The following SLC17A6 variants were observed in gnomAD, a reference collection of about 807,000 sequenced individuals.
SLC17A6 encodes vesicular glutamate transporter 2.
A neutral mutation model predicts 67.1 loss-of-function variants in SLC17A6; 35 were observed. The ratio of observed to expected loss-of-function variants is 0.52; its 90% CI spans 0.40 to 0.69. SLC17A6 has a LOEUF of 0.69. SLC17A6 is among the 30% of genes least tolerant of loss of function. SLC17A6 has a pLI of 0.00. For synonymous variants in SLC17A6, 285 were observed against 252.3 expected (o/e 1.13, Z -1.23); for missense variants, 588 against 723.9 (o/e 0.81, Z 2.15).
chr11:22,379,119 G>T lies in SLC17A6; in HGVS notation c.*1379G>T, dbSNP rs1474191404. On this transcript the variant is annotated 3_prime_UTR_variant, in exon 12 of 12. Coordinates refer to ENST00000263160, the MANE Select transcript of SLC17A6 (RefSeq NM_020346.3). Reference sequence around the variant, plus strand: ...TACCTTCATTTTGCTTGTAGTAGCTGTTTGGGTGGTTGGAATAATTTTATT... The same window carrying T: ...TACCTTCATTTTGCTTGTAGTAGCTTTTTGGGTGGTTGGAATAATTTTATT... 1 of 152,454 alleles carries T rather than the reference G, an allele frequency of 6.6e-6. No homozygotes were observed. The highest frequency in any genetic ancestry group is 1.5e-5 in the Non-Finnish European group (1 of 67,988). The allele number at this position is 152,454 out of a possible 1,614,324, so 9.4% of individuals were successfully genotyped here. A position where few individuals can be genotyped will look rare whatever the true frequency, so the allele number is the denominator to read the frequency against.
At chr11:22,342,925 C>G (rs989371086) in intron 2 of SLC17A6, 1 of 486,576 alleles carries the variant, frequency 2.1e-6, no homozygotes, top group African/African-American at 1.9e-5. Flanking sequence ...TAACAAATCT[C>G]TTCATGGGGA....
At chr11:22,339,071 ATATATGT>A (rs201883598) in intron 1 of SLC17A6, among the ~76,000 whole-genome samples, 4,388 of 119,486 alleles carry the variant, frequency 0.037, 266 homozygotes, top group Admixed American at 0.042. Flanking sequence ...TTATATATAT[ATATATGT>A]TATATATATA....
At position 22,374,819 on chromosome 11, in the gene SLC17A6, T is replaced by G. The variant is rs1001746617; in HGVS notation, c.1106T>G (p.Ile369Ser). 1 of 1,613,702 alleles carries G rather than the reference T, an allele frequency of 6.2e-7. No individual in the cohort carries two copies. The change falls in exon 9 of 12, where the codon ATT (isoleucine) becomes AGT (serine). Residue 369 changes from isoleucine to serine, a missense_variant. This residue lies in a region of SLC17A6 where 414 missense variants were observed against 563.4 expected (regional missense o/e 0.73). Coordinates refer to ENST00000263160, the MANE Select transcript of SLC17A6 (RefSeq NM_020346.3). ...ATTATTGTGCCTATTGGGGGACAAA[T>G]TGCAGATTTTCTAAGAAGCAAGCAG... The part of the protein sequence containing the change: ...MTIIVPIGGQ[I>S]ADFLRSKQIL...
intron 2 of SLC17A6, among the ~76,000 whole-genome samples, chr11:22,342,664 T>C (rs748668746): frequency 6.1e-4 from 93 of 152,238 alleles, no homozygotes; most frequent in Non-Finnish European, 8.7e-4. Context: ...CCCTGAGCAA[T>C]GACTCCCTCT....
chr11:22,360,897 G>A lies in SLC17A6; in HGVS notation c.574G>A (p.Gly192Ser). The change falls in exon 5 of 12, where the codon GGT becomes AGT. Residue 192 changes from glycine to serine, a missense_variant and splice_region_variant. Physicochemically the swap from Gly to Ser is moderately conservative, Grantham distance 56 (BLOSUM62 0). Around this residue, in one of 4 missense-constraint regions of SLC17A6, gnomAD observed 414 missense variants for 563.4 expected, o/e 0.73. Transcript: ENST00000263160. ...TGATGAGTATCTTCCCCCATCACAG[G>A]GTGTGACCTACCCAGCATGTCATGG... Reference protein sequence around the residue: ...FVRILQGLVEGVTYPACHGIW... With the variant: ...FVRILQGLVESVTYPACHGIW... The A allele has an allele frequency of 6.2e-7, 1 of 1,613,748 alleles. No homozygotes were observed. The highest frequency in any genetic ancestry group is 8.5e-7 in the Non-Finnish European group (1 of 1,179,742).
At chr11:22,358,228 C>T (rs1003965650) in intron 3 of SLC17A6, among the ~76,000 whole-genome samples, 1 of 152,142 alleles carries the variant, frequency 6.6e-6, no homozygotes, top group African/African-American at 2.4e-5. Context: ...GGAGTTAGCA[C>T]GTCCCAAAAC....
intron 4 of SLC17A6, 107 bp downstream of exon 4, chr11:22,359,634 T>A: frequency 2.0e-6 from 1 of 501,758 alleles, no homozygotes; most frequent in African/African-American, 2.0e-5. Context: ...AGGTTGCATC[T>A]AAATAGAGTT....
intron 11 of SLC17A6, 31 bp from the exon 12 acceptor site, chr11:22,377,374 G>A: frequency 6.4e-7 from 1 of 1,560,114 alleles, no homozygotes; most frequent in Non-Finnish European, 8.7e-7. Flanking sequence ...TGGGGAGTCA[G>A]TTCTCACAGT....
At chr11:22,347,950 A>G (rs185057386) in intron 3 of SLC17A6, among the ~76,000 whole-genome samples, 61 of 152,302 alleles carry the variant, frequency 4.0e-4, no homozygotes, top group African/African-American at 1.5e-3. Context: ...TTTCTAAAGA[A>G]AAAATACTTC....
intron 3 of SLC17A6, among the ~76,000 whole-genome samples, chr11:22,358,632 C>T (rs2133868548): frequency 6.6e-6 from 1 of 152,206 alleles, no homozygotes; most frequent in South Asian, 2.1e-4. Flanking sequence ...CTGCACCCGA[C>T]CAGAAGATTT....
At chr11:22,368,669 T>C (rs1856139992) in intron 7 of SLC17A6, among the ~76,000 whole-genome samples, 1 of 152,008 alleles carries the variant, frequency 6.6e-6, no homozygotes, top group African/African-American at 2.4e-5. Context: ...TATTCTGGAG[T>C]CATTTCTTAT....
Position 22,338,553 on chromosome 11 carries a change from G to A in SLC17A6, c.20G>A (p.Arg7Lys). 1 of 1,613,334 alleles carries A rather than the reference G, an allele frequency of 6.2e-7. No individual in the cohort carries two copies. Among genetic ancestry groups the A allele is most frequent in the Non-Finnish European group, 8.5e-7 (1 of 1,179,536 alleles). Residue 7 changes from arginine to lysine, a missense_variant, in exon 1 of 12, where the codon AGG becomes AAG. Coordinates refer to ENST00000263160, the MANE Select transcript of SLC17A6 (RefSeq NM_020346.3). ...GCAAGAATGGAATCCGTAAAACAAAGGATTTTGGCCCCAGGAAAAGAGGGG... is the reference window on the plus strand; with the variant it reads ...GCAAGAATGGAATCCGTAAAACAAAAGATTTTGGCCCCAGGAAAAGAGGGG... MESVKQ[R>K]ILAPGKEGLK...
At chr11:22,348,029 C>G (rs890673780) in intron 3 of SLC17A6, among the ~76,000 whole-genome samples, 2 of 152,108 alleles carry the variant, frequency 1.3e-5, no homozygotes, top group South Asian at 4.1e-4. Context: ...ACAGGAAGAA[C>G]CCATATTATT....
At position 22,378,127 on chromosome 11, in the gene SLC17A6, T is replaced by G. The variant is rs1304350782; in HGVS notation, c.*387T>G. The G allele has an allele frequency of 4.8e-6, 1 of 209,074 alleles. No homozygotes were observed. Among genetic ancestry groups the G allele is most frequent in the Non-Finnish European group, 9.4e-6 (1 of 105,960 alleles). The allele number at this position is 209,074 out of a possible 1,614,324, so 13.0% of individuals were successfully genotyped here. A position where few individuals can be genotyped will look rare whatever the true frequency, so the allele number is the denominator to read the frequency against. On this transcript the variant is annotated 3_prime_UTR_variant, in exon 12 of 12. Transcript: ENST00000263160. ...AAATGCACTTATATATTTGTTACAC[T>G]GTATTGCAAGATAGCACACAGAAGT...
intron 3 of SLC17A6, among the ~76,000 whole-genome samples, chr11:22,359,134 A>C (rs1228250575): frequency 1.3e-5 from 2 of 152,186 alleles, no homozygotes; most frequent in African/African-American, 4.8e-5. Context: ...AATATTTATA[A>C]TTTGTAATTA....
intron 9 of SLC17A6, among the ~76,000 whole-genome samples, chr11:22,375,573 C>T (rs1237694375): frequency 3.3e-5 from 5 of 151,596 alleles, no homozygotes; most frequent in African/African-American, 4.8e-5. Context: ...CCCCGCCTCC[C>T]GGGTTCAAGC....
At chr11:22,361,068 C>G in intron 5 of SLC17A6, 84 bp downstream of exon 5, 2 of 1,100,462 alleles carry the variant, frequency 1.8e-6, no homozygotes, top group Non-Finnish European at 2.7e-6. Flanking sequence ...GTAAACTCAC[C>G]TGTAAAACCA....
At chr11:22,369,144 A>AG (rs543154001) in intron 7 of SLC17A6, among the ~76,000 whole-genome samples, 172 of 152,126 alleles carry the variant, frequency 1.1e-3, no homozygotes, top group Middle Eastern at 6.8e-3. Flanking sequence ...TTCCTCACCA[A>AG]GCAGTATTTT....
At chr11:22,338,931 C>T (rs535823287) in intron 1 of SLC17A6, among the ~76,000 whole-genome samples, 2 of 150,452 alleles carry the variant, frequency 1.3e-5, no homozygotes, top group South Asian at 4.2e-4. Context: ...AAGAAATGGC[C>T]AGCCCCTGCT....
Sources: allele counts gnomAD v4.1 joint callset (sites outside exome capture counted in the v4.1 genomes callset), GRCh38; gene constraint gnomAD v4.1.1; regional missense constraint gnomAD v4.1.1; transcripts MANE v1.5; gene names NCBI Gene and HGNC (gene_info 2026-07-23, HGNC 2026-07-21).